The following GSTA5 variants were observed in gnomAD, a reference collection of about 807,000 sequenced individuals.
The protein encoded by GSTA5 is glutathione S-transferase A5.
GSTA5 carries 25 observed loss-of-function variants against 21.8 expected under a neutral mutation model. That is an observed-to-expected ratio of 1.14 (90% CI 0.83 to 1.60). The LOEUF (loss-of-function observed/expected upper bound fraction) is 1.60, where lower values mean the gene tolerates loss of function less well. Among genes scored for constraint, GSTA5 ranks in the 40% most tolerant of loss-of-function variants. The pLI is 0.00. For synonymous variants in GSTA5, 102 were observed against 89.5 expected (o/e 1.14, Z -0.78); for missense variants, 330 against 259.2 (o/e 1.27, Z -1.88).
upstream of GSTA5, among the ~76,000 whole-genome samples, chr6:52,841,904 T>C (rs1437115526): frequency 2.0e-5 from 3 of 152,226 alleles, no homozygotes. Flanking sequence ...ATGGTAATCT[T>C]TCAGTAGATT....
chr6:52,842,406 C>CTTTTTTTTT (rs3063633), upstream of GSTA5, among the ~76,000 whole-genome samples: 1 of 128,794 alleles, frequency 7.8e-6, no homozygotes. Flanking sequence ...TAATGTATTT[C>CTTTTTTTTT]TTTTTTTTTT....
At chr6:52,832,609 G>A (rs1428792077) in intron 5 of GSTA5, among the ~76,000 whole-genome samples, 2 of 152,176 alleles carry the variant, frequency 1.3e-5, no homozygotes, top group African/African-American at 4.8e-5. Context: ...AGAGCTGCTG[G>A]GCACTGGGTC....
chr6:52,845,803 C>T (rs1764445932), upstream of GSTA5, among the ~76,000 whole-genome samples: 1 of 152,128 alleles, frequency 6.6e-6, no homozygotes, highest in African/African-American at 2.4e-5. Flanking sequence ...TTTTTCTCCT[C>T]ATGTCATTGT....
intron 3 of GSTA5, 136 bp from the exon 4 acceptor site, chr6:52,834,418 A>G: frequency 2.7e-6 from 2 of 741,892 alleles, no homozygotes; most frequent in Non-Finnish European, 4.4e-6. Context: ...TACGCTAGTC[A>G]TTATGCTCTG....
chr6:52,831,825 T>G (rs1178815846), exon 6 of GSTA5: 1 of 1,613,562 alleles, frequency 6.2e-7, no homozygotes, highest in Non-Finnish European at 8.5e-7. Flanking sequence ...TCTGGCATGT[T>G]CTTGGCCTCC....
chr6:52,844,489 A>T (rs1410852900), upstream of GSTA5, among the ~76,000 whole-genome samples: 2 of 152,208 alleles, frequency 1.3e-5, no homozygotes, highest in African/African-American at 4.8e-5. Flanking sequence ...ATCAATTAAA[A>T]ATGGGCTTAA....
chr6:52,832,052 C>T, intron 5 of GSTA5, 82 bp from the exon 6 acceptor site: 3 of 1,541,382 alleles, frequency 1.9e-6, no homozygotes, highest in Non-Finnish European at 2.6e-6. Context: ...GTGAGCCCCT[C>T]ATGCCAAAGA....
intron 3 of GSTA5, 39 bp from the exon 4 acceptor site, chr6:52,834,321 G>A (rs780073770): frequency 6.3e-7 from 1 of 1,580,296 alleles, no homozygotes; most frequent in Non-Finnish European, 8.6e-7. Flanking sequence ...AATGCCTTTT[G>A]CCTTAGATTT....
rs1476784822 is a variant in GSTA5 at position 52,837,545 on chromosome 6, A to C, written c.139+13T>G. ...AGAAACTCTCATCAGAGTTACTTAG[A>C]GATTGATCTTACCATTTCTTAACTT... On this transcript the variant is annotated intron_variant, in intron 2 of 5. Transcript: ENST00000370989. 6 of 1,568,168 alleles carry C rather than the reference A, an allele frequency of 3.8e-6. No homozygotes were observed. In the East Asian group the frequency reaches 1.3e-4, roughly 35 times the overall value.
In GSTA5 at chr6:52,832,941, C is replaced by T. The variant is rs147886318; in HGVS notation, c.464G>A (p.Trp155Ter). Residue 155 changes from tryptophan (W) to a stop codon, truncating the protein, a stop_gained, in exon 5 of 6, where the codon TGG becomes TAG. Coordinates refer to ENST00000370989, the Ensembl canonical transcript of GSTA5. LOFTEE classifies it high-confidence loss of function. ...AAGTTCCACCAGGTGAATGTCAGCC[C>T]AGCTCAGCTTGTTGCCAACAAGGTA... is the stretch of plus-strand genomic sequence containing the variant. The T allele has an allele frequency of 3.2e-4, 515 of 1,614,150 alleles. 2 individuals carry two copies. In the African/African-American group the frequency reaches 5.9e-3, roughly 18 times the overall value.
upstream of GSTA5, among the ~76,000 whole-genome samples, chr6:52,845,141 T>C (rs1764436239): frequency 1.3e-5 from 2 of 152,126 alleles, no homozygotes; most frequent in African/African-American, 4.8e-5. Flanking sequence ...CTCTTTCCTT[T>C]TTAGCTTCTG....
chr6:52,835,440 C>T lies in GSTA5; in HGVS notation c.272+796G>A, dbSNP rs147456823. Among the ~76,000 whole-genome samples the T allele has an allele frequency of 6.6e-3, 1,000 of 152,154 alleles. 13 individuals carry two copies. The highest frequency in any genetic ancestry group is 0.023 in the African/African-American group (963 of 41,476). On this transcript the variant is annotated intron_variant, in intron 3 of 5. Coordinates refer to ENST00000370989, the Ensembl canonical transcript of GSTA5. Reference sequence around the variant, plus strand: ...GATTGATGGATATTTGGGTTGTTTCCACTTTTTGAATACTATGAATATTGT... The same window carrying T: ...GATTGATGGATATTTGGGTTGTTTCTACTTTTTGAATACTATGAATATTGT...
chr6:52,833,152 G>A (rs954003405), intron 4 of GSTA5, among the ~76,000 whole-genome samples, 162 bp from the exon 5 acceptor site: 36 of 152,190 alleles, frequency 2.4e-4, no homozygotes, highest in African/African-American at 7.7e-4. Flanking sequence ...GAATGAGAGA[G>A]TAAGAACTAT....
intron 1 of GSTA5, among the ~76,000 whole-genome samples, chr6:52,837,905 G>A (rs1764315737): frequency 6.6e-6 from 1 of 152,232 alleles, no homozygotes; most frequent in Non-Finnish European, 1.5e-5. Flanking sequence ...AAGGCACTGA[G>A]CAGTTCTCCT....
At chr6:52,845,148 T>C (rs558212433), upstream of GSTA5, among the ~76,000 whole-genome samples, 3 of 152,262 alleles carry the variant, frequency 2.0e-5, no homozygotes, top group South Asian at 2.1e-4. Context: ...CTTTTTAGCT[T>C]CTGTACAGAG....
intron 2 of GSTA5, 141 bp downstream of exon 2, chr6:52,837,417 C>T: frequency 1.9e-6 from 1 of 532,218 alleles, no homozygotes. Flanking sequence ...GGAGCCACAT[C>T]CCTTCCATTT....
chr6:52,836,441 A>G lies in GSTA5; in HGVS notation c.140-73T>C, dbSNP rs1370465925. The G allele has an allele frequency of 2.1e-6, 3 of 1,444,650 alleles. No individual in the cohort carries two copies. In the African/African-American group the frequency reaches 4.3e-5, roughly 21 times the overall value. 89.5% of individuals were successfully genotyped at this position (1,444,650 alleles called of 1,614,324 possible). On this transcript the variant is annotated intron_variant, in intron 2 of 5. Transcript: ENST00000370989. ...CCCTTTTGGGATGAAAAAAATGGTT[A>G]TGGAAATGACTAAATTTGTGAAATG...
intron 3 of GSTA5, among the ~76,000 whole-genome samples, chr6:52,834,510 G>C (rs1169272335): frequency 1.8e-4 from 27 of 152,144 alleles, no homozygotes; most frequent in Admixed American, 1.7e-3. Flanking sequence ...TATCAAGGTA[G>C]ATAGATCTCA....
chr6:52,832,868 A>T, exon 5 of GSTA5: 5 of 1,613,936 alleles, frequency 3.1e-6, no homozygotes, highest in African/African-American at 1.3e-5. Flanking sequence ...CCTTCAGCAG[A>T]GGGAAGCTGG....
Sources: allele counts gnomAD v4.1 joint callset (sites outside exome capture counted in the v4.1 genomes callset), GRCh38; gene constraint gnomAD v4.1.1; transcripts MANE v1.5; gene names NCBI Gene and HGNC (gene_info 2026-07-23, HGNC 2026-07-21).